APBB2: variants seen among roughly 807,000 people sequenced by gnomAD.
The protein encoded by APBB2 is amyloid beta precursor protein binding family B member 2.
Under a neutral mutation model 82.5 loss-of-function variants are expected in APBB2, and 38 were observed. The ratio of observed to expected loss-of-function variants is 0.46; its 90% CI spans 0.36 to 0.60. The LOEUF (loss-of-function observed/expected upper bound fraction) is 0.60. Ranked by LOEUF, APBB2 falls within the 20% of genes least tolerant of loss-of-function variation. The pLI is 0.00. For missense variants in APBB2, 772 were observed against 972.3 expected, an observed-to-expected ratio of 0.79 and a Z score of 2.74; for synonymous variants, 341 against 368.2, an observed-to-expected ratio of 0.93 and a Z score of 0.85.
At chr4:40,849,412 T>C (rs1758609355) in intron 12 of APBB2, among the ~76,000 whole-genome samples, 1 of 152,208 alleles carries the variant, frequency 6.6e-6, no homozygotes, top group Admixed American at 6.5e-5. Context: ...AAATGAGAAA[T>C]AGCTCCTCTG....
At chr4:41,180,188 C>A (rs1770934059) in intron 1 of APBB2, among the ~76,000 whole-genome samples, 1 of 152,140 alleles carries the variant, frequency 6.6e-6, no homozygotes, top group Non-Finnish European at 1.5e-5. Context: ...CATGCCTGAC[C>A]CCCTCCTCGC....
intron 6 of APBB2, among the ~76,000 whole-genome samples, chr4:41,003,983 G>C (rs1805946655): frequency 6.6e-6 from 1 of 152,226 alleles, no homozygotes; most frequent in African/African-American, 2.4e-5. Flanking sequence ...AAAATGTTGG[G>C]ATTACAGGTG....
intron 1 of APBB2, among the ~76,000 whole-genome samples, chr4:41,172,655 T>C (rs1768639266): frequency 6.6e-6 from 1 of 152,262 alleles, no homozygotes; most frequent in South Asian, 2.1e-4. Flanking sequence ...TCTGCCCACA[T>C]CCTCAGCTTG....
chr4:40,933,453 T>C (rs1206206141), intron 10 of APBB2, among the ~76,000 whole-genome samples: 1 of 152,158 alleles, frequency 6.6e-6, no homozygotes, highest in Non-Finnish European at 1.5e-5. Flanking sequence ...TGGGACATGC[T>C]AGGTGCCTGG....
chr4:41,206,731 C>A (rs1015085924), intron 1 of APBB2, among the ~76,000 whole-genome samples: 1 of 152,192 alleles, frequency 6.6e-6, no homozygotes, highest in Admixed American at 6.5e-5. Context: ...TGAAACAACT[C>A]AAGAAACCTA....
At chr4:41,165,534 T>C (rs1316105600) in intron 1 of APBB2, among the ~76,000 whole-genome samples, 2 of 152,142 alleles carry the variant, frequency 1.3e-5, no homozygotes, top group Non-Finnish European at 2.9e-5. Flanking sequence ...CTTAGCTCTT[T>C]AGTAATGCAA....
intron 3 of APBB2, among the ~76,000 whole-genome samples, chr4:41,067,467 G>C (rs1732338233): frequency 6.6e-6 from 1 of 151,784 alleles, no homozygotes; most frequent in African/African-American, 2.4e-5. Flanking sequence ...GGGAGATACT[G>C]AGATATTCTT....
intron 5 of APBB2, among the ~76,000 whole-genome samples, chr4:41,031,483 G>T (rs1716785031): frequency 6.6e-6 from 1 of 152,192 alleles, no homozygotes; most frequent in Admixed American, 6.5e-5. Context: ...ATGCATGAGA[G>T]TAGTAGCTGT....
chr4:40,880,490 T>C (rs1203606511), intron 12 of APBB2: 13 of 985,322 alleles, frequency 1.3e-5, no homozygotes, highest in Non-Finnish European at 1.4e-5. Flanking sequence ...GCACTGAACA[T>C]CTGCATAAGT....
chr4:40,883,787 T>C (rs1366987080), intron 12 of APBB2, among the ~76,000 whole-genome samples: 2 of 152,102 alleles, frequency 1.3e-5, no homozygotes, highest in Admixed American at 6.5e-5. Flanking sequence ...CCTCGTTCCA[T>C]TCTGAGTATG....
At chr4:41,085,200 A>T (rs1406823819) in intron 3 of APBB2, among the ~76,000 whole-genome samples, 1 of 151,474 alleles carries the variant, frequency 6.6e-6, no homozygotes. Flanking sequence ...GCAGTGAGCC[A>T]AAATTGCACC....
intron 2 of APBB2, among the ~76,000 whole-genome samples, chr4:41,106,584 C>G (rs1261057574): frequency 6.6e-6 from 1 of 152,158 alleles, no homozygotes; most frequent in Non-Finnish European, 1.5e-5. Flanking sequence ...TCACGGCATT[C>G]TCCTGCCTCA....
intron 6 of APBB2, among the ~76,000 whole-genome samples, chr4:40,966,353 C>T (rs1458296070): frequency 6.6e-6 from 1 of 152,222 alleles, no homozygotes; most frequent in Non-Finnish European, 1.5e-5. Context: ...TGGAGTGCTG[C>T]TATGATGCTG....
intron 1 of APBB2, among the ~76,000 whole-genome samples, chr4:41,157,476 C>G (rs1460112087): frequency 2.0e-5 from 3 of 152,136 alleles, no homozygotes; most frequent in Non-Finnish European, 4.4e-5. Flanking sequence ...CAAGCTAATC[C>G]CAAACGCTCT....
chr4:41,168,815 C>T (rs974224007), intron 1 of APBB2, among the ~76,000 whole-genome samples: 2 of 152,048 alleles, frequency 1.3e-5, no homozygotes, highest in African/African-American at 4.8e-5. Flanking sequence ...AGAAAGTTTT[C>T]TACCTGATAC....
intron 6 of APBB2, 23 bp from the exon 7 acceptor site, chr4:40,945,096 G>C: frequency 7.9e-7 from 1 of 1,272,880 alleles, no homozygotes; most frequent in African/African-American, 1.5e-5. Flanking sequence ...GGGGCGGGGC[G>C]GGGGGAGAAA....
At chr4:40,877,058 T>C (rs956116861) in intron 12 of APBB2, among the ~76,000 whole-genome samples, 7 of 152,240 alleles carry the variant, frequency 4.6e-5, no homozygotes, top group Non-Finnish European at 1.0e-4. Context: ...CTGACCTGTG[T>C]ACTACATGGC....
intron 6 of APBB2, among the ~76,000 whole-genome samples, chr4:40,978,595 T>C (rs532395612): frequency 6.6e-6 from 1 of 152,298 alleles, no homozygotes; most frequent in African/African-American, 2.4e-5. Flanking sequence ...GCGTGGAAAA[T>C]TACTTAACAA....
intron 12 of APBB2, among the ~76,000 whole-genome samples, chr4:40,854,887 T>C (rs976796754): frequency 6.6e-6 from 1 of 151,934 alleles, no homozygotes; most frequent in Admixed American, 6.6e-5. Flanking sequence ...GGAGGCTGCA[T>C]GACTGATAGT....
Sources: allele counts gnomAD v4.1 joint callset (sites outside exome capture counted in the v4.1 genomes callset), GRCh38; gene constraint gnomAD v4.1.1; transcripts MANE v1.5; gene names NCBI Gene and HGNC (gene_info 2026-07-23, HGNC 2026-07-21).